TSPAN5: variants seen among roughly 807,000 people sequenced by gnomAD.
TSPAN5 encodes tetraspanin-5.
Under a neutral mutation model 37.1 loss-of-function variants are expected in TSPAN5, and 10 were observed. That is an observed-to-expected ratio of 0.27 (90% CI 0.17 to 0.46). TSPAN5 has a LOEUF of 0.46. Among genes scored for constraint, TSPAN5 ranks in the 20% least tolerant of loss-of-function variants. The pLI is 1.00. For missense variants in TSPAN5, 195 were observed against 326.6 expected (o/e 0.60, Z 3.11); for synonymous variants, 110 against 118.9 (o/e 0.93, Z 0.48).
At chr4:98,604,872 G>T (rs2110225368) in intron 1 of TSPAN5, among the ~76,000 whole-genome samples, 1 of 152,346 alleles carries the variant, frequency 6.6e-6, no homozygotes, top group Non-Finnish European at 1.5e-5. Flanking sequence ...AAGGCTTGGA[G>T]ATGTTATGCA....
At chr4:98,645,491 C>T (rs1164256921) in intron 1 of TSPAN5, among the ~76,000 whole-genome samples, 2 of 152,174 alleles carry the variant, frequency 1.3e-5, no homozygotes, top group Admixed American at 1.3e-4. Context: ...TCTTTGTCCC[C>T]TCTCACTCCT....
intron 1 of TSPAN5, among the ~76,000 whole-genome samples, chr4:98,618,862 G>A (rs1396684924): frequency 2.6e-5 from 4 of 152,200 alleles, no homozygotes; most frequent in Non-Finnish European, 5.9e-5. Context: ...CATCTAACAA[G>A]TCTATAGCAT....
At chr4:98,657,604 C>T (rs1389829143) in intron 1 of TSPAN5, 1 of 172,112 alleles carries the variant, frequency 5.8e-6, no homozygotes, top group African/African-American at 2.4e-5. Context: ...AATTACAGGA[C>T]CATATACCAC....
At chr4:98,632,881 G>A (rs904906654) in intron 1 of TSPAN5, among the ~76,000 whole-genome samples, 1 of 152,170 alleles carries the variant, frequency 6.6e-6, no homozygotes, top group Non-Finnish European at 1.5e-5. Flanking sequence ...AGGATTTGAT[G>A]CTGCACCAAA....
At chr4:98,628,726 T>C (rs538706746) in intron 1 of TSPAN5, among the ~76,000 whole-genome samples, 27 of 152,272 alleles carry the variant, frequency 1.8e-4, no homozygotes, top group Non-Finnish European at 3.5e-4. Context: ...CTTCTAAGCA[T>C]AGGAATCTGC....
At chr4:98,611,499 A>C (rs750185052) in intron 1 of TSPAN5, among the ~76,000 whole-genome samples, 1 of 152,244 alleles carries the variant, frequency 6.6e-6, no homozygotes, top group Non-Finnish European at 1.5e-5. Context: ...ATTTTTGACA[A>C]GAAGCTGAAA....
intron 1 of TSPAN5, among the ~76,000 whole-genome samples, chr4:98,582,060 G>A (rs1015831178): frequency 6.6e-6 from 1 of 152,194 alleles, no homozygotes; most frequent in African/African-American, 2.4e-5. Flanking sequence ...TGGGACATGG[G>A]CTGTAGGGAA....
At chr4:98,627,611 G>A (rs73832372) in intron 1 of TSPAN5, among the ~76,000 whole-genome samples, 26,480 of 152,040 alleles carry the variant, frequency 0.17, 2,476 homozygotes, top group Middle Eastern at 0.21. Flanking sequence ...AGCCAAATAC[G>A]GTCATTCTTC....
chr4:98,609,548 G>C (rs1756130805), intron 1 of TSPAN5, among the ~76,000 whole-genome samples: 2 of 152,198 alleles, frequency 1.3e-5, no homozygotes, highest in South Asian at 2.1e-4. Context: ...CACAAGAGTG[G>C]AGCAGTGAAG....
chr4:98,604,377 C>T (rs183714762), intron 1 of TSPAN5, among the ~76,000 whole-genome samples: 16 of 152,316 alleles, frequency 1.1e-4, no homozygotes, highest in African/African-American at 3.8e-4. Flanking sequence ...CAGATTCTTA[C>T]ACTGAAAACT....
chr4:98,520,633 C>G (rs955271449), intron 1 of TSPAN5, among the ~76,000 whole-genome samples: 2 of 152,214 alleles, frequency 1.3e-5, no homozygotes, highest in Non-Finnish European at 2.9e-5. Context: ...GAATGATAGT[C>G]TCCTCAAGTG....
At chr4:98,564,079 G>C (rs1255582301) in intron 1 of TSPAN5, among the ~76,000 whole-genome samples, 1 of 152,180 alleles carries the variant, frequency 6.6e-6, no homozygotes, top group Non-Finnish European at 1.5e-5. Flanking sequence ...AATTAAATGG[G>C]AGACAGTTAT....
intron 1 of TSPAN5, among the ~76,000 whole-genome samples, chr4:98,623,567 C>T (rs1481660913): frequency 2.6e-5 from 4 of 152,154 alleles, no homozygotes; most frequent in Admixed American, 1.3e-4. Flanking sequence ...ATATCAATCA[C>T]GAGTGTAGCT....
chr4:98,571,479 T>C (rs986774446), intron 1 of TSPAN5, among the ~76,000 whole-genome samples: 2 of 148,054 alleles, frequency 1.4e-5, no homozygotes, highest in South Asian at 2.1e-4. Flanking sequence ...AAATTTACAA[T>C]GTTAGTATAA....
intron 1 of TSPAN5, among the ~76,000 whole-genome samples, chr4:98,569,552 C>T (rs1244194515): frequency 6.6e-6 from 1 of 152,148 alleles, no homozygotes; most frequent in African/African-American, 2.4e-5. Context: ...CAAGCTAGCT[C>T]ACAGGCTACA....
At chr4:98,573,252 G>A (rs1470900232) in intron 1 of TSPAN5, among the ~76,000 whole-genome samples, 4 of 152,144 alleles carry the variant, frequency 2.6e-5, no homozygotes, top group African/African-American at 9.7e-5. Context: ...GGAGACATTG[G>A]GTAAATAGGC....
chr4:98,632,284 CAG>C (rs139550595), intron 1 of TSPAN5, among the ~76,000 whole-genome samples: 2,076 of 152,152 alleles, frequency 0.014, 45 homozygotes, highest in African/African-American at 0.047. Flanking sequence ...TATATGCTGC[CAG>C]AGTTTCAAGA....
At chr4:98,638,751 G>C (rs191067985) in intron 1 of TSPAN5, among the ~76,000 whole-genome samples, 69 of 152,308 alleles carry the variant, frequency 4.5e-4, no homozygotes, top group African/African-American at 1.6e-3. Context: ...AAGTTAGCCT[G>C]TTACTGTTTC....
At chr4:98,499,349 C>T (rs1237705347) in intron 2 of TSPAN5, among the ~76,000 whole-genome samples, 1 of 152,186 alleles carries the variant, frequency 6.6e-6, no homozygotes, top group African/African-American at 2.4e-5. Flanking sequence ...GCAGGGAGAA[C>T]ATTTTAATGC....
Sources: allele counts gnomAD v4.1 joint callset (sites outside exome capture counted in the v4.1 genomes callset), GRCh38; gene constraint gnomAD v4.1.1; transcripts MANE v1.5; gene names NCBI Gene and HGNC (gene_info 2026-07-23, HGNC 2026-07-21).